Variants in IL1RAPL1 observed in about 807,000 individuals in gnomAD.
The protein encoded by IL1RAPL1 is interleukin-1 receptor accessory protein-like 1.
In IL1RAPL1, 3 loss-of-function variants were observed where a neutral mutation model predicts 48.4. That is an observed-to-expected ratio of 0.06 (90% confidence interval 0.03 to 0.16). IL1RAPL1 has a LOEUF of 0.16. Among genes scored for constraint, IL1RAPL1 ranks in the 10% least tolerant of loss-of-function variants. The probability of loss-of-function intolerance (pLI) is 1.00; values close to 1 mark genes in which losing one functional copy is unlikely to be tolerated. For synonymous variants in IL1RAPL1, 185 were observed against 187.7 expected (o/e 0.99, Z 0.12); for missense variants, 349 against 530.6 (o/e 0.66, Z 3.36).
chrX:29,339,075 T>TAC (rs758487838), intron 3 of IL1RAPL1, among the ~76,000 whole-genome samples: 8,214 of 92,169 alleles, frequency 0.089, 299 homozygotes, highest in African/African-American at 0.12. Context: ...GCTGGGTAAA[T>TAC]ACACACACAC....
At chrX:29,875,883 A>G (rs1931892033) in intron 6 of IL1RAPL1, among the ~76,000 whole-genome samples, 1 of 111,451 alleles carries the variant, frequency 9.0e-6, no homozygotes, top group East Asian at 2.8e-4. Context: ...GACCAGCCCC[A>G]GTTCACGTTT....
chrX:29,802,956 T>TATACATGTGTACATATATAC (rs1194099080), intron 6 of IL1RAPL1, among the ~76,000 whole-genome samples: 12 of 51,929 alleles, frequency 2.3e-4, no homozygotes, highest in Non-Finnish European at 3.5e-4. Context: ...TGCATATATG[T>TATACATGTGTACATATATAC]ATACATGTGT....
At chrX:29,303,253 G>A (rs1285693871) in intron 3 of IL1RAPL1, among the ~76,000 whole-genome samples, 2 of 111,625 alleles carry the variant, frequency 1.8e-5, no homozygotes, top group Non-Finnish European at 3.8e-5. Flanking sequence ...CTGGACTTAG[G>A]CCATGATAGT....
chrX:29,887,323 G>C (rs976064834), intron 6 of IL1RAPL1, among the ~76,000 whole-genome samples: 1 of 112,397 alleles, frequency 8.9e-6, no homozygotes, highest in Non-Finnish European at 1.9e-5. Flanking sequence ...ACGTTAAGAA[G>C]CAATTTTGTG....
intron 5 of IL1RAPL1, among the ~76,000 whole-genome samples, chrX:29,583,924 A>T (rs1422964255): frequency 9.0e-6 from 1 of 111,485 alleles, no homozygotes; most frequent in Non-Finnish European, 1.9e-5. Flanking sequence ...CAACAAAGTG[A>T]TCTCTGTGCC....
chrX:28,939,145 A>G (rs1039410429), intron 2 of IL1RAPL1, among the ~76,000 whole-genome samples: 1 of 111,247 alleles, frequency 9.0e-6, no homozygotes, highest in Non-Finnish European at 1.9e-5. Context: ...AAGACCTAAA[A>G]ACAGAACTAC....
intron 8 of IL1RAPL1, among the ~76,000 whole-genome samples, chrX:29,921,179 A>AAAT (rs747811950): frequency 1.8e-5 from 2 of 112,243 alleles, no homozygotes; most frequent in African/African-American, 3.2e-5. Flanking sequence ...CCTGTTAGTA[A>AAAT]AATTGTTTGT....
Position 28,791,233 on chromosome X carries a change from T to C in IL1RAPL1, c.82+1808T>C, listed in dbSNP as rs186753407. Among the ~76,000 whole-genome samples, 379 of 111,257 alleles carry C rather than the reference T, an allele frequency of 3.4e-3. 2 individuals carry two copies. The highest frequency in any genetic ancestry group is 0.011 in the African/African-American group (349 of 30,667). On this transcript the variant is annotated intron_variant, in intron 2 of 10. Transcript: ENST00000378993. ...TAACCTCTAATTTGGGGGCAAGAAA[T>C]TTTATCAAACTGGGACTTACTTTGT...
chrX:28,980,171 G>A (rs985145174), intron 2 of IL1RAPL1, among the ~76,000 whole-genome samples: 1 of 112,271 alleles, frequency 8.9e-6, no homozygotes. Context: ...ATGTTTCTCC[G>A]TCACTTGGCT....
intron 5 of IL1RAPL1, among the ~76,000 whole-genome samples, chrX:29,533,408 G>A (rs373579109): frequency 4.0e-4 from 45 of 111,946 alleles, no homozygotes; most frequent in African/African-American, 1.4e-3. Flanking sequence ...TATTTGCAGG[G>A]TCATCCATTG....
intron 1 of IL1RAPL1, among the ~76,000 whole-genome samples, chrX:28,704,964 A>G (rs964675436): frequency 2.7e-5 from 3 of 111,049 alleles, no homozygotes; most frequent in Non-Finnish European, 5.7e-5. Context: ...TGTTCTAAAT[A>G]TAATAGGAAT....
chrX:28,934,169 A>G (rs1923956935), intron 2 of IL1RAPL1, among the ~76,000 whole-genome samples: 1 of 110,992 alleles, frequency 9.0e-6, no homozygotes, highest in Admixed American at 9.6e-5. Flanking sequence ...GCTCCTAGTC[A>G]AAATGGAGTC....
chrX:29,046,143 G>A (rs1569225969), intron 2 of IL1RAPL1, among the ~76,000 whole-genome samples: 2 of 110,064 alleles, frequency 1.8e-5, no homozygotes, highest in Non-Finnish European at 3.8e-5. Context: ...AACCTCCATA[G>A]CTCAATCAAT....
chrX:29,742,843 C>T (rs1431628936), intron 6 of IL1RAPL1, among the ~76,000 whole-genome samples: 1 of 111,039 alleles, frequency 9.0e-6, no homozygotes, highest in East Asian at 2.8e-4. Context: ...GCATTTTTCC[C>T]GTCTTTCCGG....
At chrX:29,859,658 A>G (rs1931539226) in intron 6 of IL1RAPL1, among the ~76,000 whole-genome samples, 1 of 112,360 alleles carries the variant, frequency 8.9e-6, no homozygotes, top group Admixed American at 9.4e-5. Context: ...ACTGAAATAA[A>G]ATACTTCTAC....
intron 6 of IL1RAPL1, among the ~76,000 whole-genome samples, chrX:29,740,589 ACTAGCC>A (rs1928173114): frequency 9.0e-6 from 1 of 110,985 alleles, no homozygotes; most frequent in South Asian, 3.8e-4. Flanking sequence ...CTTAGCTTCT[ACTAGCC>A]TTTCTATTTC....
chrX:29,350,088 C>T (rs1177102411), intron 3 of IL1RAPL1, among the ~76,000 whole-genome samples: 2 of 102,772 alleles, frequency 1.9e-5, no homozygotes, highest in Non-Finnish European at 3.9e-5. Flanking sequence ...CTCTACTTGG[C>T]ACAATGGTTC....
At chrX:29,261,810 G>T (rs1364683422) in intron 2 of IL1RAPL1, among the ~76,000 whole-genome samples, 7 of 110,647 alleles carry the variant, frequency 6.3e-5, no homozygotes, top group Non-Finnish European at 9.4e-5. Flanking sequence ...TTGCACAGAG[G>T]CCTTCCTAGA....
chrX:29,572,336 T>A (rs985819287), intron 5 of IL1RAPL1, among the ~76,000 whole-genome samples: 5 of 111,935 alleles, frequency 4.5e-5, no homozygotes, highest in Non-Finnish European at 9.4e-5. Context: ...TAGCAGTGTT[T>A]GACGTAGTTT....
Sources: gnomAD v4.1 joint callset for allele counts (sites outside exome capture counted in the v4.1 genomes callset) on GRCh38, gnomAD v4.1.1 for gene constraint, MANE v1.5 for transcripts, NCBI Gene and HGNC (gene_info 2026-07-23, HGNC 2026-07-21) for gene names.